Variants in ADARB1 observed in about 807,000 individuals in gnomAD.
The protein encoded by ADARB1 is adenosine deaminase RNA specific B1, also known as double-stranded RNA-specific editase 1.
ADARB1 carries 10 observed loss-of-function variants against 52.4 expected under a neutral mutation model. The ratio of observed to expected loss-of-function variants is 0.19; its 90% CI spans 0.12 to 0.32. The LOEUF (loss-of-function observed/expected upper bound fraction) is 0.32. ADARB1 is among the 10% of genes least tolerant of loss of function. ADARB1 has a pLI of 1.00. For synonymous variants in ADARB1, 349 were observed against 371.1 expected, an observed-to-expected ratio of 0.94 and a Z score of 0.68; for missense variants, 643 against 922.3, an observed-to-expected ratio of 0.70 and a Z score of 3.92.
rs1347601168 is a variant in ADARB1 at position 45,142,994 on chromosome 21, A to T, written c.-48+14421A>T. 6.6e-6 allele frequency among the ~76,000 whole-genome samples: 1 copy of T among 152,162 alleles called. No homozygotes were observed. The highest frequency in any genetic ancestry group is 1.5e-5 in the Non-Finnish European group (1 of 68,016). On this transcript the variant is annotated intron_variant, in intron 2 of 10. Transcript: ENST00000348831. The surrounding 1 kb of genome is among the most constrained non-coding windows in gnomAD (Gnocchi z 4.0). ...CAATGGCATCTGCGATGCTTGTAAA[A>T]CAAGTAGCAGCCGTGTCCAGCCTGC...
At chr21:45,118,513 A>T (rs1033626119) in intron 1 of ADARB1, 6 of 152,178 alleles carry the variant, frequency 3.9e-5, no homozygotes, top group Non-Finnish European at 8.8e-5. Context: ...GAATTCTAGG[A>T]TCGTATAATT....
intron 2 of ADARB1, among the ~76,000 whole-genome samples, chr21:45,161,277 G>A (rs926269316): frequency 6.6e-6 from 1 of 152,204 alleles, no homozygotes; most frequent in African/African-American, 2.4e-5. Flanking sequence ...AGCTGCAGCC[G>A]TCCATTAGAA....
At chr21:45,120,160 C>G (rs1236860220) in intron 1 of ADARB1, among the ~76,000 whole-genome samples, 1 of 152,180 alleles carries the variant, frequency 6.6e-6, no homozygotes, top group Non-Finnish European at 1.5e-5. Flanking sequence ...AAAAGAAAGG[C>G]TATGAAATTT....
At chr21:45,203,544 T>TG (rs2092606310) in intron 8 of ADARB1, among the ~76,000 whole-genome samples, 1 of 152,192 alleles carries the variant, frequency 6.6e-6, no homozygotes, top group Admixed American at 6.5e-5. Flanking sequence ...GAGCAGAGCA[T>TG]CTCTGCTCTT....
At chr21:45,144,832 G>A (rs146632270) in intron 2 of ADARB1, 206 of 231,662 alleles carry the variant, frequency 8.9e-4, no homozygotes, top group Admixed American at 6.2e-4. Flanking sequence ...CTGTCATGCC[G>A]GGAGAGTCTA....
At chr21:45,087,687 C>A (rs1401290504) in intron 1 of ADARB1, among the ~76,000 whole-genome samples, 1 of 152,142 alleles carries the variant, frequency 6.6e-6, no homozygotes, top group Non-Finnish European at 1.5e-5. Context: ...AGCAATACTT[C>A]ATATACTCCA....
chr21:45,130,901 C>G (rs1039320567), intron 2 of ADARB1, among the ~76,000 whole-genome samples: 7 of 152,098 alleles, frequency 4.6e-5, no homozygotes, highest in Non-Finnish European at 8.8e-5. Flanking sequence ...ATAGTAATTC[C>G]CCTGCGCAAG....
Position 45,152,666 on chromosome 21 carries a change from C to T in ADARB1, c.-47-18944C>T, listed in dbSNP as rs538161245. 224 of 448,956 alleles carry T rather than the reference C, an allele frequency of 5.0e-4. 2 individuals are homozygous for T. Among genetic ancestry groups the T allele is most frequent in the African/African-American group, 4.2e-3 (208 of 49,836 alleles). 27.8% of individuals were successfully genotyped at this position (448,956 alleles called of 1,614,324 possible). ...GGGGACCTTTTTCAGCATCATGGGG[C>T]GTCGGTATAAAAGGAGGCGCAAGAA... On this transcript the variant is annotated intron_variant, in intron 2 of 10. Transcript: ENST00000348831.
At position 45,223,433 on chromosome 21, in the gene ADARB1, G is replaced by A. The variant is rs1308910232; in HGVS notation, c.*1236G>A. 5.1e-5 allele frequency: 50 copies of A among 985,688 alleles called. No homozygotes were observed. The highest frequency in any genetic ancestry group is 5.9e-5 in the Non-Finnish European group (49 of 830,256). 61.1% of individuals were successfully genotyped at this position (985,688 alleles called of 1,614,324 possible). ...CCGGGAGGTCAGGAGCGCGGCGGGC[G>A]AGGGCCCTGTGTGGACCACCTCCAC... is the stretch of plus-strand genomic sequence containing the variant. On this transcript the variant is annotated 3_prime_UTR_variant, in exon 11 of 11. Transcript: ENST00000348831.
chr21:45,185,222 T>G, intron 8 of ADARB1, 131 bp downstream of exon 8: 1 of 1,235,228 alleles, frequency 8.1e-7, no homozygotes, highest in Non-Finnish European at 1.1e-6. Context: ...ACAGTATTCT[T>G]TGAAGGACTG....
At position 45,222,851 on chromosome 21, in the gene ADARB1, C is replaced by T. The variant is rs562057681; in HGVS notation, c.*654C>T. On this transcript the variant is annotated 3_prime_UTR_variant, in exon 11 of 11. Coordinates refer to ENST00000348831, the MANE Select transcript of ADARB1 (RefSeq NM_001112.4). ...CATGGTGTAGCGTGGCCCTGTCATGCACATGGGGTCCCGCAGCAGTGACTG... is the reference window on the plus strand; with the variant it reads ...CATGGTGTAGCGTGGCCCTGTCATGTACATGGGGTCCCGCAGCAGTGACTG... The T allele has an allele frequency of 1.7e-5, 17 of 985,498 alleles. No individual in the cohort carries two copies. The African/African-American group carries it at 2.4e-4, about 14-fold the overall frequency. The allele number at this position is 985,498 out of a possible 1,614,324, so 61.0% of individuals were successfully genotyped here. A position where few individuals can be genotyped will look rare whatever the true frequency, so the allele number is the denominator to read the frequency against.
intron 8 of ADARB1, among the ~76,000 whole-genome samples, chr21:45,190,303 T>C (rs1357736758): frequency 6.6e-6 from 1 of 152,236 alleles, no homozygotes; most frequent in Non-Finnish European, 1.5e-5. Context: ...TTTATACTAA[T>C]ATCTCTTTGT....
At chr21:45,076,196 G>A (rs187959574) in intron 1 of ADARB1, among the ~76,000 whole-genome samples, 171 of 152,326 alleles carry the variant, frequency 1.1e-3, no homozygotes, top group Admixed American at 3.7e-3. Context: ...AAGGGAGAAG[G>A]AAGAAAGGAT....
chr21:45,112,186 G>A (rs1376100669), intron 1 of ADARB1, among the ~76,000 whole-genome samples: 1 of 152,220 alleles, frequency 6.6e-6, no homozygotes. Context: ...GAGCAGGTAT[G>A]GGAATGGTGT....
At chr21:45,167,319 A>G (rs2091292464) in intron 2 of ADARB1, among the ~76,000 whole-genome samples, 1 of 152,196 alleles carries the variant, frequency 6.6e-6, no homozygotes, top group Admixed American at 6.5e-5. Flanking sequence ...CTGCACTTTT[A>G]TTGTTGTTGT....
intron 1 of ADARB1, among the ~76,000 whole-genome samples, chr21:45,106,373 C>T (rs2087259087): frequency 6.6e-6 from 1 of 152,164 alleles, no homozygotes; most frequent in Non-Finnish European, 1.5e-5. Context: ...GCCTTGCTCT[C>T]AGTGTGTTTA....
intron 2 of ADARB1, among the ~76,000 whole-genome samples, chr21:45,137,981 A>G (rs1046583997): frequency 6.6e-6 from 1 of 152,136 alleles, no homozygotes; most frequent in African/African-American, 2.4e-5. Context: ...TTCAATTTCT[A>G]TGGGAGTGAT....
At chr21:45,119,427 T>TC (rs1479289538) in intron 1 of ADARB1, among the ~76,000 whole-genome samples, 1 of 152,222 alleles carries the variant, frequency 6.6e-6, no homozygotes, top group Non-Finnish European at 1.5e-5. Flanking sequence ...AGTGCCTTGG[T>TC]CACCTTTACC....
intron 2 of ADARB1, among the ~76,000 whole-genome samples, chr21:45,168,623 G>A (rs112704175): frequency 0.013 from 1,932 of 152,194 alleles, 44 homozygotes; most frequent in African/African-American, 0.044. Flanking sequence ...TGGTGTATTC[G>A]GGGTTCTCTG....
Sources: gnomAD v4.1 joint callset for allele counts (sites outside exome capture counted in the v4.1 genomes callset) on GRCh38, gnomAD v4.1.1 for gene constraint, Gnocchi (gnomAD v3.1) non-coding constraint, MANE v1.5 for transcripts, NCBI Gene and HGNC (gene_info 2026-07-23, HGNC 2026-07-21) for gene names.